ATP23: variants seen among roughly 807,000 people sequenced by gnomAD.
The protein encoded by ATP23 is ATP23 metallopeptidase and ATP synthase assembly factor homolog, also known as mitochondrial inner membrane protease ATP23 homolog.
A neutral mutation model predicts 28.5 loss-of-function variants in ATP23; 24 were observed. That is an observed-to-expected ratio of 0.84 (90% CI 0.61 to 1.18). ATP23 has a LOEUF of 1.18. Among genes scored for constraint, ATP23 ranks in the 50% most tolerant of loss-of-function variants. The pLI is 0.00. For synonymous variants in ATP23, 99 were observed against 108.6 expected (o/e 0.91, Z 0.55); for missense variants, 274 against 306.4 (o/e 0.89, Z 0.79).
intron 3 of ATP23, 63 bp from the exon 4 acceptor site, chr12:57,951,695 A>G: frequency 6.3e-7 from 1 of 1,584,002 alleles, no homozygotes; most frequent in Non-Finnish European, 8.7e-7. Context: ...GTGGGAGAGA[A>G]GATCGAGTCT....
At chr12:57,953,770 G>C (rs1956838299) in intron 5 of ATP23, 81 bp downstream of exon 5, 2 of 1,266,404 alleles carry the variant, frequency 1.6e-6, no homozygotes. Context: ...AGTACATTCA[G>C]TATTTGAAAT....
intron 1 of ATP23, among the ~76,000 whole-genome samples, chr12:57,945,350 A>G (rs1307161003): frequency 2.6e-5 from 4 of 152,126 alleles, no homozygotes; most frequent in Admixed American, 2.6e-4. Flanking sequence ...CTCATGCCTC[A>G]GCTTCCCAAG....
rs751817672 is a variant in ATP23 at position 57,951,748 on chromosome 12, T to C, written c.316-10T>C. 3.1e-6 allele frequency: 5 copies of C among 1,610,560 alleles called. No individual in the cohort carries two copies. Among genetic ancestry groups the C allele is most frequent in the Non-Finnish European group, 4.2e-6 (5 of 1,177,446 alleles). On this transcript the variant is annotated splice_polypyrimidine_tract_variant and intron_variant, in intron 3 of 5. Transcript: ENST00000300145. Reference sequence around the variant, plus strand: ...AATCACTGAACTTCTTTTATTTTGGTGTCTCCTAGATAGTTTTGTGCCAGA... The same window carrying C: ...AATCACTGAACTTCTTTTATTTTGGCGTCTCCTAGATAGTTTTGTGCCAGA...
chr12:57,955,680 C>T (rs761514439), intron 5 of ATP23, among the ~76,000 whole-genome samples: 1 of 152,184 alleles, frequency 6.6e-6, no homozygotes, highest in Non-Finnish European at 1.5e-5. Flanking sequence ...GAAATTTCCT[C>T]TCTTTTTAGC....
Position 57,957,045 on chromosome 12 carries a change from T to C in ATP23, c.*155T>C. 2 of 562,204 alleles carry C rather than the reference T, an allele frequency of 3.6e-6. No individual in the cohort carries two copies. The highest frequency in any genetic ancestry group is 4.2e-5 in the Admixed American group (1 of 23,710). 34.8% of individuals were successfully genotyped at this position (562,204 alleles called of 1,614,324 possible). On this transcript the variant is annotated 3_prime_UTR_variant, in exon 6 of 6. Transcript: ENST00000300145. ...CTAGCATATTATCAGAAAAAGTAAC[T>C]ATGGCAAAAAATGAAACTGCTTTAA...
At position 57,958,123 on chromosome 12, in the gene ATP23, C is replaced by T. The variant is rs1368598573; in HGVS notation, c.*1233C>T. On this transcript the variant is annotated 3_prime_UTR_variant, in exon 6 of 6. Transcript: ENST00000300145. Reference sequence around the variant, plus strand: ...TGTGACTGCCGGCTTTCCCCTACTTCCCTGACAACCTGCATGACTCCCCAG... The same window carrying T: ...TGTGACTGCCGGCTTTCCCCTACTTTCCTGACAACCTGCATGACTCCCCAG... Among the ~76,000 whole-genome samples, 1 of 152,110 alleles carries T rather than the reference C, an allele frequency of 6.6e-6. No individual in the cohort carries two copies. The highest frequency in any genetic ancestry group is 1.5e-5 in the Non-Finnish European group (1 of 68,016).
At position 57,958,337 on chromosome 12, in the gene ATP23, G is replaced by T. The variant is rs909363846; in HGVS notation, c.*1447G>T. On this transcript the variant is annotated 3_prime_UTR_variant, in exon 6 of 6. Coordinates refer to ENST00000300145, the MANE Select transcript of ATP23 (RefSeq NM_033276.4). ...ACAAAAAGGGCATACAATCTTGGGA[G>T]TTCTAGGGCCCCACTCACCACAAGT... Among the ~76,000 whole-genome samples, 1 of 152,134 alleles carries T rather than the reference G, an allele frequency of 6.6e-6. No individual in the cohort carries two copies. Among genetic ancestry groups the T allele is most frequent in the African/African-American group, 2.4e-5 (1 of 41,420 alleles).
chr12:57,943,628 C>A (rs1198129880), intron 1 of ATP23, among the ~76,000 whole-genome samples: 1 of 151,844 alleles, frequency 6.6e-6, no homozygotes, highest in African/African-American at 2.4e-5. Context: ...CTGCAGTGAG[C>A]TGTTATTGCA....
chr12:57,950,266 C>T (rs907877154), intron 3 of ATP23, among the ~76,000 whole-genome samples: 7 of 152,150 alleles, frequency 4.6e-5, no homozygotes, highest in African/African-American at 7.2e-5. Flanking sequence ...TTTGGCCCCC[C>T]GACCTCACCA....
rs200808591 is a variant in ATP23, at chr12:57,956,865, G to A, written c.716G>A (p.Arg239His). ...TATGCTCACAGAGACTTTGAAAACC[G>A]TGATCGGTATTATTCAAATATATGA... ...ARYAHRDFEN[R>H]DRYYSNI Residue 239 changes from arginine (R) to histidine (H), a missense_variant, in exon 6 of 6, where the codon CGT (arginine) becomes CAT (histidine). By Grantham distance (29) the Arg-to-His change is conservative (BLOSUM62 0). Transcript: ENST00000300145. 5.0e-5 allele frequency: 81 copies of A among 1,612,042 alleles called. No individual in the cohort carries two copies. The African/African-American group carries it at 6.1e-4, about 12-fold the overall frequency.
intron 5 of ATP23, among the ~76,000 whole-genome samples, chr12:57,954,136 A>G (rs1012390814): frequency 2.1e-5 from 3 of 145,030 alleles, no homozygotes; most frequent in African/African-American, 7.8e-5. Context: ...TGGAGGTTGC[A>G]GTGAGCCGAG....
At chr12:57,951,364 C>T (rs2140536152) in intron 3 of ATP23, among the ~76,000 whole-genome samples, 1 of 152,308 alleles carries the variant, frequency 6.6e-6, no homozygotes, top group African/African-American at 2.4e-5. Context: ...TGCCTAAGGT[C>T]ACTGAGTTAG....
In ATP23 at chr12:57,956,756, A is replaced by G. The variant is rs1956871239; in HGVS notation, c.607A>G (p.Lys203Glu). The G allele has an allele frequency of 5.6e-6, 9 of 1,614,046 alleles. No homozygotes were observed. The highest frequency in any genetic ancestry group is 7.6e-6 in the Non-Finnish European group (9 of 1,179,956). Reference sequence around the variant, plus strand: ...GAATATCAGCAAAGAAGTAGCTAAAAAGGCTGTTGATGAAGTTTTTGAATC... The same window carrying G: ...GAATATCAGCAAAGAAGTAGCTAAAGAGGCTGTTGATGAAGTTTTTGAATC... ...VRNISKEVAKKAVDEVFESCF... is the reference protein window; with the variant it reads ...VRNISKEVAKEAVDEVFESCF... The change falls in exon 6 of 6, where the codon AAG becomes GAG. Residue 203 changes from lysine (K) to glutamate (E), a missense_variant. Lys to Glu is a moderately conservative substitution (Grantham distance 56, BLOSUM62 1). Transcript: ENST00000300145.
At chr12:57,954,211 A>C (rs1956844028) in intron 5 of ATP23, among the ~76,000 whole-genome samples, 1 of 151,706 alleles carries the variant, frequency 6.6e-6, no homozygotes, top group Non-Finnish European at 1.5e-5. Flanking sequence ...AAAAAAAAAA[A>C]AAAAGGAGCT....
In ATP23 at chr12:57,951,709, G is replaced by A. The variant is rs760376509; in HGVS notation, c.316-49G>A. 2.7e-5 allele frequency: 43 copies of A among 1,604,142 alleles called. No individual in the cohort carries two copies. The South Asian group carries it at 4.1e-4, about 15-fold the overall frequency. ...TGTGGGAGAGAAGATCGAGTCTATGGAAGGAGATTTTAGAATCACTGAACT... is the reference window on the plus strand; with the variant it reads ...TGTGGGAGAGAAGATCGAGTCTATGAAAGGAGATTTTAGAATCACTGAACT... On this transcript the variant is annotated intron_variant, in intron 3 of 5. Transcript: ENST00000300145.
chr12:57,945,935 G>A (rs889004209), intron 2 of ATP23, among the ~76,000 whole-genome samples: 6 of 150,114 alleles, frequency 4.0e-5, no homozygotes, highest in African/African-American at 1.2e-4. Context: ...GTGCTGTCTC[G>A]GCTCAGTGCA....
At chr12:57,944,548 C>T (rs1226380917) in intron 1 of ATP23, among the ~76,000 whole-genome samples, 1 of 152,212 alleles carries the variant, frequency 6.6e-6, no homozygotes, top group Non-Finnish European at 1.5e-5. Context: ...TATTGCTGGC[C>T]AGATACTCTA....
Position 57,941,715 on chromosome 12 carries a change from C to T in ATP23, c.14C>T (p.Pro5Leu). 1 of 1,602,082 alleles carries T rather than the reference C, an allele frequency of 6.2e-7. No homozygotes were observed. The highest frequency in any genetic ancestry group is 1.3e-5 in the African/African-American group (1 of 74,716). MAGAPDERRRGPAAG... is the reference protein window; with the variant it reads MAGALDERRRGPAAG... ...TCTGCGGGAGGCATGGCGGGAGCTC[C>T]GGACGAGCGCCGGCGGGGCCCCGCG... Residue 5 changes from proline to leucine, a missense_variant, in exon 1 of 6, where the codon CCG becomes CTG. Transcript: ENST00000300145.
intron 4 of ATP23, among the ~76,000 whole-genome samples, chr12:57,952,993 AC>A (rs1956830048): frequency 6.6e-6 from 1 of 152,032 alleles, no homozygotes. Context: ...TCATAGCGTG[AC>A]CAGTTTGGAA....
Sources: allele counts gnomAD v4.1 joint callset (sites outside exome capture counted in the v4.1 genomes callset), GRCh38; gene constraint gnomAD v4.1.1; transcripts MANE v1.5; gene names NCBI Gene and HGNC (gene_info 2026-07-23, HGNC 2026-07-21).